LYRM4: variants seen among roughly 807,000 people sequenced by gnomAD.
LYRM4 encodes LYR motif-containing protein 4.
In LYRM4, 9 loss-of-function variants were observed where a neutral mutation model predicts 11.7. The observed-to-expected ratio is 0.77, with a 90% CI of 0.46 to 1.34. LYRM4 has a LOEUF of 1.34. Ranked by LOEUF, LYRM4 falls within the 40% of genes most tolerant of loss-of-function variation. The probability of loss-of-function intolerance (pLI) is 0.00; values close to 1 mark genes in which losing one functional copy is unlikely to be tolerated. For missense variants in LYRM4, 133 were observed against 112.5 expected, an observed-to-expected ratio of 1.18 and a Z score of -0.82; for synonymous variants, 42 against 40.4, an observed-to-expected ratio of 1.04 and a Z score of -0.15.
intron 2 of LYRM4, among the ~76,000 whole-genome samples, chr6:5,176,878 G>A (rs1166392876): frequency 2.0e-5 from 3 of 152,176 alleles, no homozygotes; most frequent in African/African-American, 7.2e-5. Flanking sequence ...GAAAGCTCCT[G>A]TACATTTCCC....
the LYRM4 span, among the ~76,000 whole-genome samples, chr6:5,036,589 CCTT>C: frequency 6.6e-6 from 1 of 152,230 alleles, no homozygotes; most frequent in Non-Finnish European, 1.5e-5. Flanking sequence ...CCTGCCGTCT[CCTT>C]CTGTCCAGAC....
chr6:5,046,898 C>T, the LYRM4 span, among the ~76,000 whole-genome samples: 5 of 152,116 alleles, frequency 3.3e-5, no homozygotes, highest in Admixed American at 6.6e-5. Context: ...GAGACCAGCC[C>T]GGGCAACATG....
At chr6:5,146,783 C>T (rs1757753071) in intron 2 of LYRM4, among the ~76,000 whole-genome samples, 1 of 152,200 alleles carries the variant, frequency 6.6e-6, no homozygotes, top group African/African-American at 2.4e-5. Flanking sequence ...GAAGACAAGA[C>T]TCAGGGGCTT....
At chr6:5,081,301 A>G in the LYRM4 span, among the ~76,000 whole-genome samples, 1 of 152,168 alleles carries the variant, frequency 6.6e-6, no homozygotes, top group African/African-American at 2.4e-5. Flanking sequence ...AAAGCAGTCC[A>G]TCCCCACCAT....
At chr6:5,085,483 G>T in the LYRM4 span, 8 of 1,532,460 alleles carry the variant, frequency 5.2e-6, no homozygotes, top group East Asian at 1.5e-4. Context: ...GGCGAACGGC[G>T]TCATGGAGCC....
intron 2 of LYRM4, among the ~76,000 whole-genome samples, chr6:5,127,547 A>G (rs1763752088): frequency 6.6e-6 from 1 of 152,232 alleles, no homozygotes; most frequent in Non-Finnish European, 1.5e-5. Flanking sequence ...CACTTGAAAT[A>G]TGGCTGGTCC....
intron 2 of LYRM4, among the ~76,000 whole-genome samples, chr6:5,135,066 A>G (rs586517): frequency 0.36 from 1,953 of 5,378 alleles, 126 homozygotes; most frequent in African/African-American, 0.42. Flanking sequence ...CGCTCCCGGG[A>G]CTGTGGAGGG....
intron 2 of LYRM4, among the ~76,000 whole-genome samples, chr6:5,215,786 TC>T (rs1561876503): frequency 2.0e-5 from 3 of 152,074 alleles, no homozygotes. Context: ...GTAAAGAGTT[TC>T]CCCCTCCACA....
At chr6:5,129,046 C>T (rs1763822215) in intron 2 of LYRM4, among the ~76,000 whole-genome samples, 1 of 152,220 alleles carries the variant, frequency 6.6e-6, no homozygotes, top group African/African-American at 2.4e-5. Flanking sequence ...TCCCTGAGGG[C>T]TTAGAGGCTG....
At chr6:5,162,370 T>C (rs1210182951) in intron 2 of LYRM4, among the ~76,000 whole-genome samples, 3 of 152,198 alleles carry the variant, frequency 2.0e-5, no homozygotes, top group Admixed American at 1.3e-4. Flanking sequence ...TACTTCATCA[T>C]TGCTCCTCAT....
the LYRM4 span, among the ~76,000 whole-genome samples, chr6:5,044,208 A>T: frequency 2.0e-5 from 3 of 151,966 alleles, no homozygotes; most frequent in African/African-American, 7.3e-5. Flanking sequence ...GGCTCACTGC[A>T]ACCTCTGCCT....
Position 5,109,393 on chromosome 6 carries a change from G to A in LYRM4, c.*30C>T. 6 of 1,613,588 alleles carry A rather than the reference G, an allele frequency of 3.7e-6. No homozygotes were observed. The highest frequency in any genetic ancestry group is 5.1e-6 in the Non-Finnish European group (6 of 1,179,704). On this transcript the variant is annotated 3_prime_UTR_variant, in exon 3 of 3. Coordinates refer to ENST00000330636, the MANE Select transcript of LYRM4 (RefSeq NM_020408.6). ...AGAGTGGATGCTGAAGGTGGTCCCT[G>A]GCCGCCACTGGTGGCTGGTCCCCGG...
At chr6:5,034,045 T>C in the LYRM4 span, 1 of 152,308 alleles carries the variant, frequency 6.6e-6, no homozygotes, top group Non-Finnish European at 1.5e-5. Flanking sequence ...TTTTGTACTT[T>C]TGTTGGTGAT....
chr6:5,130,967 C>T (rs979743110), intron 2 of LYRM4, among the ~76,000 whole-genome samples: 6 of 151,998 alleles, frequency 3.9e-5, no homozygotes, highest in Admixed American at 3.9e-4. Flanking sequence ...AGAATAAAAT[C>T]AACTCCATCA....
chr6:5,152,927 T>G (rs1397157499), intron 2 of LYRM4, among the ~76,000 whole-genome samples: 2 of 152,160 alleles, frequency 1.3e-5, no homozygotes, highest in African/African-American at 4.8e-5. Flanking sequence ...GGATTTAGAA[T>G]TTTATTTATG....
chr6:5,059,369 TGTA>T, the LYRM4 span, among the ~76,000 whole-genome samples: 3 of 150,338 alleles, frequency 2.0e-5, no homozygotes, highest in Non-Finnish European at 4.4e-5. Flanking sequence ...AAGTCCTCTG[TGTA>T]CATAAGAAGC....
At chr6:5,146,232 G>C (rs1380938186) in intron 2 of LYRM4, among the ~76,000 whole-genome samples, 2 of 152,108 alleles carry the variant, frequency 1.3e-5, no homozygotes, top group African/African-American at 4.8e-5. Context: ...GAATTCCTGA[G>C]AACTAAATGA....
the LYRM4 span, among the ~76,000 whole-genome samples, chr6:5,050,635 A>G: frequency 6.6e-6 from 1 of 152,082 alleles, no homozygotes; most frequent in Non-Finnish European, 1.5e-5. Context: ...AAGTCATCAC[A>G]CAAGCCTAGG....
chr6:5,095,344 C>T, the LYRM4 span, among the ~76,000 whole-genome samples: 1 of 152,078 alleles, frequency 6.6e-6, no homozygotes, highest in African/African-American at 2.4e-5. Flanking sequence ...AGTCAGGCAG[C>T]CTGCGAACTA....
Sources: gnomAD v4.1 joint callset for allele counts (sites outside exome capture counted in the v4.1 genomes callset) on GRCh38, gnomAD v4.1.1 for gene constraint, MANE v1.5 for transcripts, NCBI Gene and HGNC (gene_info 2026-07-23, HGNC 2026-07-21) for gene names.